Variants in BAZ2A observed in about 807,000 individuals in gnomAD.
BAZ2A encodes bromodomain adjacent to zinc finger domain 2A, also known as bromodomain adjacent to zinc finger domain protein 2A.
A neutral mutation model predicts 199.9 loss-of-function variants in BAZ2A; 34 were observed. The observed-to-expected ratio is 0.17, with a 90% CI of 0.13 to 0.23. The LOEUF is 0.23. Ranked by LOEUF, BAZ2A falls within the 10% of genes least tolerant of loss-of-function variation. The pLI is 1.00. For missense variants in BAZ2A, 2,002 were observed against 2,391.1 expected, an observed-to-expected ratio of 0.84 and a Z score of 3.39; for synonymous variants, 857 against 883.9, an observed-to-expected ratio of 0.97 and a Z score of 0.54.
chr12:56,609,755 T>C lies in BAZ2A; in HGVS notation c.2073A>G (p.Leu691=), dbSNP rs758658732. Residue 691 remains leucine, a synonymous_variant, in exon 10 of 29, where the codon CTA becomes CTG. Transcript: ENST00000549884. ...ELLNKTDNRP[L]KKLEAQETLN... The stretch of plus-strand genomic sequence containing the variant: ...CTGTACCTTGGGCCTCCAGTTTCTT[T>C]AGGGGGCGGTTGTCTGTCTTGTTCA... 13 of 1,613,728 alleles carry C rather than the reference T, an allele frequency of 8.1e-6. No individual in the cohort carries two copies. The highest frequency in any genetic ancestry group is 1.1e-5 in the South Asian group (1 of 91,034).
intron 1 of BAZ2A, among the ~76,000 whole-genome samples, chr12:56,622,127 T>C (rs1317199068): frequency 1.3e-5 from 2 of 151,946 alleles, no homozygotes; most frequent in African/African-American, 4.8e-5. Flanking sequence ...TCACCTGAAG[T>C]CAAGAGTTCG....
intron 13 of BAZ2A, 180 bp from the exon 14 acceptor site, chr12:56,605,507 G>A (rs185474759): frequency 8.6e-6 from 6 of 699,870 alleles, no homozygotes; most frequent in East Asian, 8.6e-5. Flanking sequence ...CTGCAGCCTC[G>A]ACCTCCTAAG....
upstream of BAZ2A, chr12:56,636,636 GAT>G (rs1451216697): frequency 1.3e-4 from 23 of 174,640 alleles, no homozygotes; most frequent in East Asian, 3.4e-3. Flanking sequence ...AGACCTTTAG[GAT>G]TTCAGTTCCC....
Position 56,597,558 on chromosome 12 carries a change from G to GCACACACACACACACACA in BAZ2A, c.*1059_*1060insTGTGTGTGTGTGTGTGTG, listed in dbSNP as rs1230189434. 1 of 4,404 alleles carries GCACACACACACACACACA rather than the reference G, an allele frequency of 2.3e-4. No individual in the cohort carries two copies. The highest frequency in any genetic ancestry group is 7.4e-4 in the African/African-American group (1 of 1,360). 0.3% of individuals were successfully genotyped at this position (4,404 alleles called of 1,614,324 possible). ...CCTATCAAACAATACAGGGTCACAA[G>GCACACACACACACACACA]CACGCACACACACACACACACACAG... On this transcript the variant is annotated 3_prime_UTR_variant, in exon 29 of 29. Coordinates refer to ENST00000549884, the MANE Select transcript of BAZ2A (RefSeq NM_001300905.2).
Position 56,602,798 on chromosome 12 carries a change from G to A in BAZ2A, c.3339C>T (p.Ser1113=). ...LHSSQMLRAV[S]LGQDRYRRRY... ...GACGTCTGTAGCGGTCCTGACCCAGGGAGACCGCCCGAAGCATCTGGGATG... is the reference window on the plus strand; with the variant it reads ...GACGTCTGTAGCGGTCCTGACCCAGAGAGACCGCCCGAAGCATCTGGGATG... Residue 1113 remains serine (S), a synonymous_variant, in exon 19 of 29, where the codon TCC becomes TCT. Coordinates refer to ENST00000549884, the MANE Select transcript of BAZ2A (RefSeq NM_001300905.2). 2.5e-6 allele frequency: 4 copies of A among 1,613,866 alleles called. No individual in the cohort carries two copies. The highest frequency in any genetic ancestry group is 3.4e-6 in the Non-Finnish European group (4 of 1,179,796).
Position 56,595,984 on chromosome 12 carries a change from C to G in BAZ2A, c.*2634G>C, listed in dbSNP as rs1885765505. ...ACAACTGACAAGCACTTTTCTACAGCTGCACTTGTGGAACATCACATGGCA... is the reference window on the plus strand; with the variant it reads ...ACAACTGACAAGCACTTTTCTACAGGTGCACTTGTGGAACATCACATGGCA... On this transcript the variant is annotated 3_prime_UTR_variant, in exon 29 of 29. Transcript: ENST00000549884. The G allele has an allele frequency of 1.3e-5, 2 of 152,700 alleles. No individual in the cohort carries two copies. The highest frequency in any genetic ancestry group is 4.8e-5 in the African/African-American group (2 of 41,460). The allele number at this position is 152,700 out of a possible 1,614,324, so 9.5% of individuals were successfully genotyped here.
At chr12:56,599,090 G>GTCTA in intron 27 of BAZ2A, 39 bp downstream of exon 27, 4 of 1,598,752 alleles carry the variant, frequency 2.5e-6, no homozygotes, top group Non-Finnish European at 1.7e-6. Flanking sequence ...CTCTGGCAGA[G>GTCTA]GTAGAGCCAA....
chr12:56,614,099 A>G lies in BAZ2A; in HGVS notation c.770T>C (p.Val257Ala). ...MCGYNGSVPSVESLHQEVSVL... is the reference protein window; with the variant it reads ...MCGYNGSVPSAESLHQEVSVL... ...TGAGACCTCTTGGTGTAACGATTCC[A>G]CAGAAGGGACAGAGCCATTGTAGCC... Residue 257 changes from valine (V) to alanine (A), a missense_variant, in exon 4 of 29, where the codon GTG (valine) becomes GCG (alanine). Coordinates refer to ENST00000549884, the MANE Select transcript of BAZ2A (RefSeq NM_001300905.2). 1.2e-6 allele frequency: 2 copies of G among 1,614,020 alleles called. No homozygotes were observed. Among genetic ancestry groups the G allele is most frequent in the Non-Finnish European group, 1.7e-6 (2 of 1,179,876 alleles).
upstream of BAZ2A, among the ~76,000 whole-genome samples, chr12:56,631,175 G>A (rs180692821): frequency 1.3e-5 from 2 of 152,210 alleles, no homozygotes; most frequent in Admixed American, 1.3e-4. Flanking sequence ...AGTTCAGGCC[G>A]GACGCGGTGG....
rs1457499355 is a variant in BAZ2A at position 56,615,614 on chromosome 12, GAGA to G, written c.137-10_137-8del. On this transcript the variant is annotated splice_region_variant and splice_polypyrimidine_tract_variant and intron_variant, in intron 2 of 28. Transcript: ENST00000549884. ...TTCACATCCCCATTCAAACCTGGCA[GAGA>G]AAGAAAGAAAAGGTCAGTTACAGAT... 1 of 1,569,952 alleles carries G rather than the reference GAGA, an allele frequency of 6.4e-7. No individual in the cohort carries two copies. The highest frequency in any genetic ancestry group is 1.9e-5 in the Admixed American group (1 of 53,090).
chr12:56,600,129 G>C (rs1264709610), intron 24 of BAZ2A, 33 bp from the exon 25 acceptor site: 5 of 1,612,996 alleles, frequency 3.1e-6, no homozygotes, highest in Non-Finnish European at 4.2e-6. Flanking sequence ...TTTGGAGAAG[G>C]AGCGGATCCA....
chr12:56,629,019 A>C (rs568830656), intron 1 of BAZ2A, among the ~76,000 whole-genome samples: 107 of 152,240 alleles, frequency 7.0e-4, no homozygotes, highest in Non-Finnish European at 1.1e-3. Flanking sequence ...TCCAGTTGAC[A>C]AGTTTACAAA....
In BAZ2A at chr12:56,611,789, G is replaced by A. The variant is rs970577411; in HGVS notation, c.1593C>T (p.Leu531=). The A allele has an allele frequency of 1.9e-6, 3 of 1,538,634 alleles. No homozygotes were observed. The highest frequency in any genetic ancestry group is 2.8e-5 in the African/African-American group (2 of 72,368). ...ADVEEITGEG[L]TASGSGDVMR... ...GATACTCACCACTACCAGAAGCAGT[G>A]AGTCCTTCTCCAGTGATCTCTTCCA... is the stretch of plus-strand genomic sequence containing the variant. Residue 531 remains leucine (L), a synonymous_variant, in exon 6 of 29, where the codon CTC becomes CTT. Transcript: ENST00000549884.
At position 56,605,909 on chromosome 12, in the gene BAZ2A, A is replaced by C; in HGVS notation, c.2414T>G (p.Leu805Trp). Reference protein sequence around the residue: ...ADKTLATQRRLEERQRQQMIL... With the variant: ...ADKTLATQRRWEERQRQQMIL... ...CATCTGCTGCCTCTGCCGTTCCTCC[A>C]AGCGCCTCTGTGTGGCCAGGGTCTT... Residue 805 changes from leucine (L) to tryptophan (W), a missense_variant, in exon 13 of 29, where the codon TTG (leucine) becomes TGG (tryptophan). This residue lies in a region of BAZ2A where 1,081 missense variants were observed against 1,274.7 expected (regional missense o/e 0.85). Transcript: ENST00000549884. 1 of 1,584,054 alleles carries C rather than the reference A, an allele frequency of 6.3e-7. No homozygotes were observed. The highest frequency in any genetic ancestry group is 8.6e-7 in the Non-Finnish European group (1 of 1,164,552).
At chr12:56,603,987 T>C (rs111315038) in intron 16 of BAZ2A, among the ~76,000 whole-genome samples, 6,466 of 151,742 alleles carry the variant, frequency 0.043, 460 homozygotes, top group African/African-American at 0.15. Context: ...CATTCCAGCC[T>C]AGGCGACAGA....
chr12:56,636,323 T>C, exon 1 of BAZ2A: 2 of 1,492,190 alleles, frequency 1.3e-6, no homozygotes, highest in Admixed American at 2.1e-5. Flanking sequence ...CAGTGTATGC[T>C]TCCTGCGAAC....
intron 10 of BAZ2A, among the ~76,000 whole-genome samples, chr12:56,608,377 A>T (rs996392526): frequency 2.0e-5 from 3 of 151,996 alleles, no homozygotes; most frequent in Non-Finnish European, 4.4e-5. Context: ...GTCTCAAAAA[A>T]AAAAAAACAA....
rs1339478681 is a variant in BAZ2A, at chr12:56,602,098, T to G, written c.3519A>C (p.Leu1173Phe). Residue 1173 changes from leucine to phenylalanine, a missense_variant, in exon 20 of 29, where the codon TTA becomes TTC. Physicochemically the swap from Leu to Phe is conservative, Grantham distance 22. This residue lies in a region of BAZ2A where 1,081 missense variants were observed against 1,274.7 expected (regional missense o/e 0.85). Coordinates refer to ENST00000549884, the MANE Select transcript of BAZ2A (RefSeq NM_001300905.2). The stretch of plus-strand genomic sequence containing the variant: ...AACTGGCAGTGGTGTTGGAGCCAGC[T>G]AACTCCATCTTCATAGAGAAGAGGG... ...NPALFSMKME[L>F]AGSNTTASSP... 1 of 1,585,196 alleles carries G rather than the reference T, an allele frequency of 6.3e-7. No homozygotes were observed. Among genetic ancestry groups the G allele is most frequent in the African/African-American group, 1.3e-5 (1 of 74,376 alleles).
upstream of BAZ2A, chr12:56,634,999 C>A (rs1951413787): frequency 1.0e-6 from 1 of 984,174 alleles, no homozygotes; most frequent in African/African-American, 1.8e-5. Flanking sequence ...CGCAGGTGGC[C>A]GAGCCGGGCG....
Sources: gnomAD v4.1 joint callset for allele counts (sites outside exome capture counted in the v4.1 genomes callset) on GRCh38, gnomAD v4.1.1 for gene constraint, gnomAD v4.1.1 regional missense constraint, MANE v1.5 for transcripts, NCBI Gene and HGNC (gene_info 2026-07-23, HGNC 2026-07-21) for gene names.